Variants in DNAAF11 observed in about 807,000 individuals in gnomAD.
The protein encoded by DNAAF11 is dynein axonemal assembly factor 11, also known as leucine rich repeat containing 6.
Under a neutral mutation model 60.8 loss-of-function variants are expected in DNAAF11, and 45 were observed. The observed-to-expected ratio is 0.74, with a 90% CI of 0.58 to 0.95. The LOEUF (loss-of-function observed/expected upper bound fraction) is 0.95. Among genes scored for constraint, DNAAF11 ranks in the 40% least tolerant of loss-of-function variants. The pLI is 0.00. For synonymous variants in DNAAF11, 191 were observed against 183.5 expected (o/e 1.04, Z -0.33); for missense variants, 546 against 546.2 (o/e 1.00, Z 0.00).
At chr8:132,653,810 C>T (rs989134555) in intron 3 of DNAAF11, among the ~76,000 whole-genome samples, 2 of 151,814 alleles carry the variant, frequency 1.3e-5, no homozygotes, top group South Asian at 4.2e-4. Context: ...ACAGTACACA[C>T]AAAAATAACA....
At chr8:132,673,948 C>T (rs548138739) in intron 1 of DNAAF11, among the ~76,000 whole-genome samples, 3 of 151,328 alleles carry the variant, frequency 2.0e-5, no homozygotes, top group South Asian at 2.1e-4. Context: ...AAAGTGGGCA[C>T]GACTCAGAGA....
Position 132,594,557 on chromosome 8 carries a change from A to C in DNAAF11, c.1141-10778T>G, listed in dbSNP as rs542776379. Among the ~76,000 whole-genome samples the C allele has an allele frequency of 2.6e-5, 4 of 152,288 alleles. No homozygotes were observed. In the South Asian group the frequency reaches 8.3e-4, roughly 32 times the overall value. On this transcript the variant is annotated intron_variant, in intron 10 of 11. Coordinates refer to ENST00000620350, the MANE Select transcript of DNAAF11 (RefSeq NM_012472.6). The stretch of plus-strand genomic sequence containing the variant: ...CTGGAATTGTAATCACCATGTGTCA[A>C]GGAGGGACCTGTAATCCCCCTGTGT...
At chr8:132,650,385 G>A (rs1266047402) in intron 3 of DNAAF11, among the ~76,000 whole-genome samples, 4 of 152,094 alleles carry the variant, frequency 2.6e-5, no homozygotes, top group African/African-American at 4.8e-5. Context: ...GGGGGAGGGC[G>A]GAGGGATAGC....
chr8:132,601,117 A>G (rs959511464), intron 10 of DNAAF11, among the ~76,000 whole-genome samples: 2 of 152,248 alleles, frequency 1.3e-5, no homozygotes, highest in Admixed American at 1.3e-4. Context: ...GGCAAAGGAT[A>G]TGAACAGACA....
intron 10 of DNAAF11, among the ~76,000 whole-genome samples, chr8:132,605,164 A>G (rs866452815): frequency 1.3e-5 from 2 of 152,146 alleles, no homozygotes; most frequent in South Asian, 4.1e-4. Context: ...ATTACTACTG[A>G]TATCATTTTA....
intron 10 of DNAAF11, among the ~76,000 whole-genome samples, chr8:132,604,738 T>C (rs1817970365): frequency 6.6e-6 from 1 of 152,136 alleles, no homozygotes; most frequent in African/African-American, 2.4e-5. Context: ...CATAAACTCC[T>C]AGAAAATGTG....
chr8:132,625,730 G>A (rs561173267), intron 5 of DNAAF11, among the ~76,000 whole-genome samples: 48 of 152,238 alleles, frequency 3.2e-4, no homozygotes, highest in African/African-American at 1.1e-3. Context: ...AGATTCCAGG[G>A]TTCACAGACC....
At chr8:132,623,159 CT>C (rs1819924498) in intron 6 of DNAAF11, among the ~76,000 whole-genome samples, 2 of 152,124 alleles carry the variant, frequency 1.3e-5, no homozygotes, top group South Asian at 4.1e-4. Flanking sequence ...AAGGATATTT[CT>C]CACAGCATTA....
At chr8:132,590,946 A>G (rs545510372) in intron 10 of DNAAF11, among the ~76,000 whole-genome samples, 1 of 152,238 alleles carries the variant, frequency 6.6e-6, no homozygotes, top group African/African-American at 2.4e-5. Flanking sequence ...AGAGTTAATA[A>G]TTGTATAACA....
chr8:132,659,991 C>G (rs138048070), intron 2 of DNAAF11, among the ~76,000 whole-genome samples: 1 of 152,194 alleles, frequency 6.6e-6, no homozygotes, highest in Non-Finnish European at 1.5e-5. Context: ...CACTGCACAT[C>G]ATCACGGGAA....
chr8:132,639,021 C>A (rs961404077), intron 3 of DNAAF11, among the ~76,000 whole-genome samples: 1 of 152,114 alleles, frequency 6.6e-6, no homozygotes, highest in African/African-American at 2.4e-5. Context: ...TCAGAAGTTG[C>A]GAAGATAATA....
At chr8:132,580,357 T>C (rs1031487999) in intron 11 of DNAAF11, among the ~76,000 whole-genome samples, 7 of 152,150 alleles carry the variant, frequency 4.6e-5, no homozygotes, top group Admixed American at 3.3e-4. Context: ...TTTGCAGGCA[T>C]ACAGAAAATC....
intron 1 of DNAAF11, among the ~76,000 whole-genome samples, chr8:132,663,868 G>A (rs1348587997): frequency 3.9e-5 from 6 of 152,214 alleles, no homozygotes; most frequent in Non-Finnish European, 8.8e-5. Flanking sequence ...CCAAGGGTCA[G>A]CTGTTTGTCA....
At chr8:132,663,123 C>T (rs1394396113) in intron 1 of DNAAF11, among the ~76,000 whole-genome samples, 2 of 152,158 alleles carry the variant, frequency 1.3e-5, no homozygotes, top group African/African-American at 4.8e-5. Context: ...CAAACCAGAT[C>T]CTGGTAAGGG....
intron 10 of DNAAF11, among the ~76,000 whole-genome samples, chr8:132,592,366 AAAG>A (rs1176008705): frequency 6.6e-6 from 1 of 152,212 alleles, no homozygotes; most frequent in African/African-American, 2.4e-5. Flanking sequence ...TATCCAATTG[AAAG>A]GAGGAAAAGT....
intron 3 of DNAAF11, among the ~76,000 whole-genome samples, chr8:132,648,533 T>C (rs1044701983): frequency 6.6e-6 from 1 of 152,058 alleles, no homozygotes; most frequent in Non-Finnish European, 1.5e-5. Context: ...GAGAAAGAAA[T>C]AAAGGGTATT....
At chr8:132,608,936 A>G (rs1167830323) in intron 10 of DNAAF11, among the ~76,000 whole-genome samples, 1 of 152,224 alleles carries the variant, frequency 6.6e-6, no homozygotes, top group Non-Finnish European at 1.5e-5. Flanking sequence ...GAAACGCAGA[A>G]TTATTAAATT....
chr8:132,653,443 T>C (rs1823229215), intron 3 of DNAAF11, among the ~76,000 whole-genome samples: 1 of 152,234 alleles, frequency 6.6e-6, no homozygotes, highest in Non-Finnish European at 1.5e-5. Context: ...CAAATGCATT[T>C]GATAAAATAG....
chr8:132,610,970 C>G (rs551095618), intron 9 of DNAAF11, among the ~76,000 whole-genome samples: 1 of 152,320 alleles, frequency 6.6e-6, no homozygotes, highest in African/African-American at 2.4e-5. Flanking sequence ...TCTTAACTCA[C>G]TGCAACCTCC....
Sources: gnomAD v4.1 joint callset for allele counts (sites outside exome capture counted in the v4.1 genomes callset) on GRCh38, gnomAD v4.1.1 for gene constraint, MANE v1.5 for transcripts, NCBI Gene and HGNC (gene_info 2026-07-23, HGNC 2026-07-21) for gene names.